The following CRKL variants were observed in gnomAD, a reference collection of about 807,000 sequenced individuals.
The protein encoded by CRKL is crk-like protein.
CRKL carries 3 observed loss-of-function variants against 23.0 expected under a neutral mutation model. The observed-to-expected ratio is 0.13, with a 90% CI of 0.06 to 0.34. CRKL has a LOEUF of 0.34. CRKL is among the 10% of genes least tolerant of loss of function. The pLI is 1.00. For synonymous variants in CRKL, 188 were observed against 160.7 expected, an observed-to-expected ratio of 1.17 and a Z score of -1.28; for missense variants, 256 against 394.5, an observed-to-expected ratio of 0.65 and a Z score of 2.97.
chr22:20,919,855 A>G (rs910439453), intron 1 of CRKL, among the ~76,000 whole-genome samples: 1 of 152,156 alleles, frequency 6.6e-6, no homozygotes, highest in African/African-American at 2.4e-5. Context: ...AAAAAAAGCC[A>G]TGACAGTATA....
At chr22:20,942,995 C>A (rs1601684460) in intron 2 of CRKL, among the ~76,000 whole-genome samples, 1 of 152,064 alleles carries the variant, frequency 6.6e-6, no homozygotes, top group East Asian at 1.9e-4. Context: ...TAAGGGCTCC[C>A]TTCTTCACCG....
chr22:20,917,619 C>CG lies in CRKL; in HGVS notation c.-316_-315insG, dbSNP rs1929737976. 2.5e-6 allele frequency: 1 copy of CG among 406,398 alleles called. No individual in the cohort carries two copies. Among genetic ancestry groups the CG allele is most frequent in the African/African-American group, 2.1e-5 (1 of 47,738 alleles). The allele number at this position is 406,398 out of a possible 1,614,324, so 25.2% of individuals were successfully genotyped here. ...TCCAGGCCGGGAGTCACTGGAGGCA[C>CG]CCCTGGGACGCCGAGCAGCCCGAGA... On this transcript the variant is annotated 5_prime_UTR_variant, in exon 1 of 3. Coordinates refer to ENST00000354336, the MANE Select transcript of CRKL (RefSeq NM_005207.4).
chr22:20,949,640 T>G (rs907972168), intron 2 of CRKL, 71 bp from the exon 3 acceptor site: 381 of 1,584,846 alleles, frequency 2.4e-4, no homozygotes, highest in Non-Finnish European at 3.0e-4. Flanking sequence ...AAGGTAGTGT[T>G]TGTGATTTAA....
chr22:20,945,502 A>G (rs1177172962), intron 2 of CRKL, among the ~76,000 whole-genome samples: 1 of 152,100 alleles, frequency 6.6e-6, no homozygotes, highest in Non-Finnish European at 1.5e-5. Flanking sequence ...ACCTTTCCCA[A>G]ATAAAATCTC....
At position 20,921,611 on chromosome 22, in the gene CRKL, AGAG is replaced by A. The variant is rs370886550; in HGVS notation, c.311+3373_311+3375del. On this transcript the variant is annotated intron_variant, in intron 1 of 2. Transcript: ENST00000354336. ...CCCAGCCTAGGCAAGGCTTGGCCTG[AGAG>A]GAGGAGAAGAGCCTTCCAAGTTTAG... Among the ~76,000 whole-genome samples the A allele has an allele frequency of 4.8e-4, 73 of 152,328 alleles. 1 individual carries two copies. The East Asian group carries it at 0.011, about 23-fold the overall frequency.
rs2266954 is a variant in CRKL at position 20,948,721 on chromosome 22, A to G, written c.778-990A>G. On this transcript the variant is annotated intron_variant, in intron 2 of 2. Transcript: ENST00000354336. ...TGCTGCGTTGCGCCGGCTGGTCTCAAACTCCTGGGCTCAAGCAGTCCTCCC... is the reference window on the plus strand; with the variant it reads ...TGCTGCGTTGCGCCGGCTGGTCTCAGACTCCTGGGCTCAAGCAGTCCTCCC... 5.9e-3 allele frequency among the ~76,000 whole-genome samples: 898 copies of G among 152,260 alleles called. 7 individuals are homozygous for G. The highest frequency in any genetic ancestry group is 0.054 in the East Asian group (280 of 5,176).
chr22:20,949,603 AAAT>A, intron 2 of CRKL, 105 bp from the exon 3 acceptor site: 5 of 1,451,972 alleles, frequency 3.4e-6, no homozygotes, highest in Non-Finnish European at 4.7e-6. Context: ...CCCTGTGTCT[AAAT>A]AATAATGTAT....
chr22:20,934,805 ATTTTTTT>A lies in CRKL; in HGVS notation c.777+581_777+587del, dbSNP rs67055933. ...TCTCTTGAGCTTGGTAGAGGAATGA[ATTTTTTT>A]TTTTTTTTTTTTTTTTTTTGAGATG... On this transcript the variant is annotated intron_variant, in intron 2 of 2. Coordinates refer to ENST00000354336, the MANE Select transcript of CRKL (RefSeq NM_005207.4). Among the ~76,000 whole-genome samples, 88 of 98,528 alleles carry A rather than the reference ATTTTTTT, an allele frequency of 8.9e-4. 1 individual carries two copies. The highest frequency in any genetic ancestry group is 2.7e-3 in the Admixed American group (22 of 8,126). 64.6% of individuals were successfully genotyped at this position (98,528 alleles called of 152,430 possible).
chr22:20,926,175 G>C (rs3827296), intron 1 of CRKL, among the ~76,000 whole-genome samples: 115,378 of 152,050 alleles, frequency 0.76, 44,308 homozygotes, highest in South Asian at 0.91. Context: ...TGTAGATGAT[G>C]GGCAGGAACC....
intron 2 of CRKL, among the ~76,000 whole-genome samples, chr22:20,942,990 G>A (rs555685886): frequency 6.6e-6 from 1 of 152,034 alleles, no homozygotes; most frequent in Admixed American, 6.6e-5. Flanking sequence ...GTATATAAGG[G>A]CTCCCTTCTT....
At position 20,918,142 on chromosome 22, in the gene CRKL, C is replaced by G. The variant is rs2147891856; in HGVS notation, c.208C>G (p.Arg70Gly). The change falls in exon 1 of 3, where the codon CGT becomes GGT. Residue 70 changes from arginine (R) to glycine (G), a missense_variant. By Grantham distance (125) the Arg-to-Gly change is moderately radical. This residue lies in a region of CRKL where 85 missense variants were observed against 139.8 expected (regional missense o/e 0.61). Coordinates refer to ENST00000354336, the MANE Select transcript of CRKL (RefSeq NM_005207.4). ...HYIINSLPNRRFKIGDQEFDH... is the reference protein window; with the variant it reads ...HYIINSLPNRGFKIGDQEFDH... The stretch of plus-strand genomic sequence containing the variant: ...CATCATCAACTCGCTGCCCAACCGC[C>G]GTTTTAAGATCGGGGACCAGGAATT... 1 of 1,614,156 alleles carries G rather than the reference C, an allele frequency of 6.2e-7. No homozygotes were observed. The highest frequency in any genetic ancestry group is 8.5e-7 in the Non-Finnish European group (1 of 1,180,040).
chr22:20,944,142 T>TTG (rs1921972827), intron 2 of CRKL, among the ~76,000 whole-genome samples: 1 of 149,056 alleles, frequency 6.7e-6, no homozygotes, highest in African/African-American at 2.5e-5. Context: ...GTATTAGCTT[T>TTG]TTTTTTTTTT....
At chr22:20,924,439 A>T (rs182945471) in intron 1 of CRKL, among the ~76,000 whole-genome samples, 56 of 152,318 alleles carry the variant, frequency 3.7e-4, no homozygotes, top group Admixed American at 1.1e-3. Context: ...GACTTCCATA[A>T]TTTGGAATGG....
chr22:20,944,405 G>A (rs1351523705), intron 2 of CRKL, among the ~76,000 whole-genome samples: 10 of 131,466 alleles, frequency 7.6e-5, no homozygotes, highest in African/African-American at 2.2e-4. Flanking sequence ...AATTATTCTC[G>A]TTTTGTTTTG....
chr22:20,918,564 A>C (rs550105977), intron 1 of CRKL, among the ~76,000 whole-genome samples: 1 of 149,802 alleles, frequency 6.7e-6, no homozygotes, highest in South Asian at 2.1e-4. Context: ...ATACTGATGC[A>C]GGGATTTGTT....
chr22:20,928,820 A>G (rs1053852965), intron 1 of CRKL, among the ~76,000 whole-genome samples: 2 of 148,002 alleles, frequency 1.4e-5, no homozygotes, highest in African/African-American at 4.9e-5. Flanking sequence ...CTCAAAAAAA[A>G]AAAAAAAAAA....
chr22:20,923,520 G>A (rs1400649322), intron 1 of CRKL, among the ~76,000 whole-genome samples: 1 of 150,566 alleles, frequency 6.6e-6, no homozygotes, highest in African/African-American at 2.4e-5. Context: ...CTCGTGAACC[G>A]CCCGCCTGGG....
chr22:20,923,194 A>G (rs1921054210), intron 1 of CRKL, among the ~76,000 whole-genome samples: 2 of 152,142 alleles, frequency 1.3e-5, no homozygotes, highest in Non-Finnish European at 1.5e-5. Context: ...GACTTTGAGC[A>G]TTACATGTAC....
At position 20,919,488 on chromosome 22, in the gene CRKL, C is replaced by G. The variant is rs191524114; in HGVS notation, c.311+1243C>G. 1.4e-4 allele frequency among the ~76,000 whole-genome samples: 22 copies of G among 152,218 alleles called. No individual in the cohort carries two copies. The East Asian group carries it at 3.9e-3, about 27-fold the overall frequency. On this transcript the variant is annotated intron_variant, in intron 1 of 2. Coordinates refer to ENST00000354336, the MANE Select transcript of CRKL (RefSeq NM_005207.4). ...CAAAGTGACCAAGCATTCTCTTTTCCAAGTGAAATACGTTATTTTAATTGA... is the reference window on the plus strand; with the variant it reads ...CAAAGTGACCAAGCATTCTCTTTTCGAAGTGAAATACGTTATTTTAATTGA...
Sources: gnomAD v4.1 joint callset for allele counts (sites outside exome capture counted in the v4.1 genomes callset) on GRCh38, gnomAD v4.1.1 for gene constraint, gnomAD v4.1.1 regional missense constraint, MANE v1.5 for transcripts, NCBI Gene and HGNC (gene_info 2026-07-23, HGNC 2026-07-21) for gene names.